UBA6: variants seen among roughly 807,000 people sequenced by gnomAD.
UBA6 encodes the protein ubiquitin-like modifier-activating enzyme 6.
A neutral mutation model predicts 148.3 loss-of-function variants in UBA6; 87 were observed. The ratio of observed to expected loss-of-function variants is 0.59; its 90% CI spans 0.49 to 0.70. UBA6 has a LOEUF of 0.70. Ranked by LOEUF, UBA6 falls within the 30% of genes least tolerant of loss-of-function variation. UBA6 has a pLI of 0.00. For synonymous variants in UBA6, 376 were observed against 401.0 expected (o/e 0.94, Z 0.75); for missense variants, 1,186 against 1,241.2 (o/e 0.96, Z 0.67).
intron 6 of UBA6, among the ~76,000 whole-genome samples, chr4:67,674,993 C>T (rs1346398051): frequency 2.6e-5 from 4 of 152,188 alleles, no homozygotes; most frequent in Admixed American, 6.5e-5. Flanking sequence ...CCTCAGCCTC[C>T]CCAGTAGCTG....
chr4:67,640,918 T>C (rs189373682), intron 18 of UBA6, among the ~76,000 whole-genome samples: 5 of 152,204 alleles, frequency 3.3e-5, no homozygotes, highest in Non-Finnish European at 7.4e-5. Context: ...GATTACAAAA[T>C]GAAAAAAATA....
chr4:67,685,571 G>C (rs1730537568), intron 2 of UBA6, among the ~76,000 whole-genome samples: 1 of 152,182 alleles, frequency 6.6e-6, no homozygotes, highest in African/African-American at 2.4e-5. Context: ...GGGGCCAGGA[G>C]CAAATGCTAC....
At chr4:67,624,728 G>A (rs1185722091) in intron 29 of UBA6, among the ~76,000 whole-genome samples, 3 of 151,954 alleles carry the variant, frequency 2.0e-5, no homozygotes, top group Non-Finnish European at 2.9e-5. Context: ...TATGAATGAC[G>A]TAAAGATCAG....
chr4:67,687,453 T>C, intron 2 of UBA6, among the ~76,000 whole-genome samples: 1 of 152,218 alleles, frequency 6.6e-6, no homozygotes, highest in Non-Finnish European at 1.5e-5. Context: ...ATATGAACTC[T>C]TACATCTGTC....
chr4:67,674,827 T>C (rs1021896152), intron 6 of UBA6, among the ~76,000 whole-genome samples: 3 of 152,202 alleles, frequency 2.0e-5, no homozygotes, highest in Admixed American at 6.5e-5. Context: ...CAAGCTCTCA[T>C]TTATTTTAAC....
rs1385076407 is a variant in UBA6 at position 67,615,408 on chromosome 4, T to C, written c.*3589A>G. ...TGAACCATGAGCCAAATAAACCTTT[T>C]TTCTTTATGAATTACCGAGTCTTGG... On this transcript the variant is annotated 3_prime_UTR_variant, in exon 33 of 33. Transcript: ENST00000322244. 6.6e-6 allele frequency: 1 copy of C among 152,244 alleles called. No homozygotes were observed. The highest frequency in any genetic ancestry group is 1.5e-5 in the Non-Finnish European group (1 of 68,042). 9.4% of individuals were successfully genotyped at this position (152,244 alleles called of 1,614,324 possible). A position where few individuals can be genotyped will look rare whatever the true frequency, so the allele number is the denominator to read the frequency against.
chr4:67,618,803 G>A lies in UBA6; in HGVS notation c.*194C>T, dbSNP rs550562577. On this transcript the variant is annotated 3_prime_UTR_variant, in exon 33 of 33. Transcript: ENST00000322244. ...TTGTGATCATAGCCACGTGTGAACC[G>A]TTAGACAAGTGTATGCTATGCCCCA... is the stretch of plus-strand genomic sequence containing the variant. 2.8e-5 allele frequency: 14 copies of A among 504,370 alleles called. No individual in the cohort carries two copies. Among genetic ancestry groups the A allele is most frequent in the East Asian group, 2.0e-4 (6 of 29,742 alleles). The allele number at this position is 504,370 out of a possible 1,614,324, so 31.2% of individuals were successfully genotyped here.
At chr4:67,655,847 T>A (rs1338074835) in intron 13 of UBA6, among the ~76,000 whole-genome samples, 7 of 152,036 alleles carry the variant, frequency 4.6e-5, no homozygotes, top group Non-Finnish European at 2.9e-5. Flanking sequence ...TAAAAAATGA[T>A]AAAGGGGATA....
At chr4:67,678,280 G>A (rs1365603931) in intron 5 of UBA6, 159 bp downstream of exon 5, 2 of 382,174 alleles carry the variant, frequency 5.2e-6, no homozygotes, top group African/African-American at 4.3e-5. Context: ...AAGTAAATGA[G>A]TTAAAAAAAA....
intron 5 of UBA6, among the ~76,000 whole-genome samples, 197 bp downstream of exon 5, chr4:67,678,242 T>C (rs1448695599): frequency 6.7e-6 from 1 of 150,276 alleles, no homozygotes; most frequent in East Asian, 1.9e-4. Context: ...CTATGACTGA[T>C]TGGTGTTCTA....
chr4:67,653,158 C>T (rs1729595039), intron 13 of UBA6, among the ~76,000 whole-genome samples: 1 of 152,208 alleles, frequency 6.6e-6, no homozygotes, highest in African/African-American at 2.4e-5. Context: ...TGTCTGACAG[C>T]ACTGAAGAGA....
At chr4:67,669,103 G>A (rs905176081) in intron 8 of UBA6, among the ~76,000 whole-genome samples, 2 of 152,186 alleles carry the variant, frequency 1.3e-5, no homozygotes, top group Admixed American at 1.3e-4. Flanking sequence ...GAATCTGGTA[G>A]CTTACAGCTT....
At chr4:67,673,807 G>C in intron 6 of UBA6, 30 bp from the exon 7 acceptor site, 1 of 1,477,596 alleles carries the variant, frequency 6.8e-7, no homozygotes, top group South Asian at 1.2e-5. Context: ...TTAAAAACTA[G>C]AAAATACATA....
chr4:67,637,908 A>C (rs371129614), intron 19 of UBA6, among the ~76,000 whole-genome samples: 1 of 150,750 alleles, frequency 6.6e-6, no homozygotes, highest in Admixed American at 6.7e-5. Flanking sequence ...AAATCCCCCT[A>C]TGCGAGAAAC....
rs1346296298 is a variant in UBA6, at chr4:67,701,087, CT to C, written c.32del (p.Gln11ArgfsTer56). MEGSEPVAAH[Q>X]GEEASCSSWG... The stretch of plus-strand genomic sequence containing the variant: ...AGGAAGAACAGGACGCCTCTTCCCC[CT>C]GATGGGCGGCCACAGGCTCGGATCC... On this transcript the variant is annotated frameshift_variant, in exon 1 of 33. Coordinates refer to ENST00000322244, the MANE Select transcript of UBA6 (RefSeq NM_018227.6). LOFTEE classifies it high-confidence loss of function. 5 of 1,613,694 alleles carry C rather than the reference CT, an allele frequency of 3.1e-6. No individual in the cohort carries two copies. In the African/African-American group the frequency reaches 5.3e-5, roughly 17 times the overall value.
intron 10 of UBA6, among the ~76,000 whole-genome samples, 189 bp downstream of exon 10, chr4:67,665,000 A>G (rs1331701891): frequency 2.0e-5 from 3 of 152,138 alleles, no homozygotes; most frequent in East Asian, 1.9e-4. Flanking sequence ...TTTTGTTAAT[A>G]TCCATTTTAT....
intron 9 of UBA6, among the ~76,000 whole-genome samples, chr4:67,665,859 G>C (rs1369116002): frequency 1.3e-5 from 2 of 151,934 alleles, no homozygotes; most frequent in Non-Finnish European, 2.9e-5. Context: ...TAAAAGCATG[G>C]GAGAAAAATT....
chr4:67,638,830 A>G (rs913604847), intron 19 of UBA6, 113 bp downstream of exon 19: 1 of 746,890 alleles, frequency 1.3e-6, no homozygotes, highest in Non-Finnish European at 2.2e-6. Context: ...GGAGTACTAC[A>G]ATAGGAACAT....
rs538163743 is a variant in UBA6, at chr4:67,612,843, A to T, written c.*6154T>A. ...GATGTAGGAAGGCAGCAGGGAGCTG[A>T]TAAGTTGGTGAATAATTACCATGCC... On this transcript the variant is annotated 3_prime_UTR_variant, in exon 33 of 33. Coordinates refer to ENST00000322244, the MANE Select transcript of UBA6 (RefSeq NM_018227.6). 6.6e-6 allele frequency: 1 copy of T among 152,240 alleles called. No individual in the cohort carries two copies. Among genetic ancestry groups the T allele is most frequent in the Non-Finnish European group, 1.5e-5 (1 of 68,044 alleles). 9.4% of individuals were successfully genotyped at this position (152,240 alleles called of 1,614,324 possible).
Sources: allele counts gnomAD v4.1 joint callset (sites outside exome capture counted in the v4.1 genomes callset), GRCh38; gene constraint gnomAD v4.1.1; transcripts MANE v1.5; gene names NCBI Gene and HGNC (gene_info 2026-07-23, HGNC 2026-07-21).